Variants in ZNF92 observed in about 807,000 individuals in gnomAD.
The protein encoded by ZNF92 is epididymis luminal protein 203.
ZNF92 carries 11 observed loss-of-function variants against 12.4 expected under a neutral mutation model. The ratio of observed to expected loss-of-function variants is 0.89; its 90% CI spans 0.56 to 1.47. The LOEUF (loss-of-function observed/expected upper bound fraction) is 1.47, where lower values mean the gene tolerates loss of function less well. ZNF92 is among the 40% of genes most tolerant of loss of function. The pLI is 0.00. For synonymous variants in ZNF92, 206 were observed against 228.6 expected (o/e 0.90, Z 0.89); for missense variants, 622 against 681.0 (o/e 0.91, Z 0.96).
rs1255524053 is a variant in ZNF92 at position 65,398,321 on chromosome 7, G to A, written c.227-20G>A. 4 of 1,498,482 alleles carry A rather than the reference G, an allele frequency of 2.7e-6. No homozygotes were observed. The highest frequency in any genetic ancestry group is 3.6e-6 in the Non-Finnish European group (4 of 1,125,154). 92.8% of individuals were successfully genotyped at this position (1,498,482 alleles called of 1,614,324 possible). A position where few individuals can be genotyped will look rare whatever the true frequency, so the allele number is the denominator to read the frequency against. ...CTGAGTCTAGTAAGTGAAGTAACTT[G>A]TTATTTTTATTTTTTTCAGTTATGT... On this transcript the variant is annotated intron_variant, in intron 3 of 3. Transcript: ENST00000328747.
chr7:65,382,847 A>G (rs959312646), intron 1 of ZNF92, among the ~76,000 whole-genome samples: 1 of 152,134 alleles, frequency 6.6e-6, no homozygotes, highest in Non-Finnish European at 1.5e-5. Flanking sequence ...TATCTGAGAA[A>G]TGCAAATCCT....
chr7:65,397,413 T>C (rs1584291372), intron 3 of ZNF92, among the ~76,000 whole-genome samples: 1 of 78,836 alleles, frequency 1.3e-5, no homozygotes, highest in South Asian at 5.4e-4. Flanking sequence ...TATCCTCATT[T>C]ATCTGATTTT....
In ZNF92 at chr7:65,399,273, C is replaced by T. The variant is rs774200428; in HGVS notation, c.1159C>T (p.His387Tyr). The stretch of plus-strand genomic sequence containing the variant: ...TAACCAGTCCTCAACCCTTACTAAA[C>T]ATAAAAGAATTCATACGGGAGAAAA... ...AFNQSSTLTK[H>Y]KRIHTGEKPY... The change falls in exon 4 of 4, where the codon CAT becomes TAT. Residue 387 changes from histidine (H) to tyrosine (Y), a missense_variant. By Grantham distance (83) the His-to-Tyr change is moderately conservative (BLOSUM62 2). Coordinates refer to ENST00000328747, the MANE Select transcript of ZNF92 (RefSeq NM_152626.4). 5.0e-6 allele frequency: 8 copies of T among 1,612,574 alleles called. No homozygotes were observed. Among genetic ancestry groups the T allele is most frequent in the Admixed American group, 1.7e-5 (1 of 59,924 alleles).
intron 1 of ZNF92, among the ~76,000 whole-genome samples, chr7:65,378,234 G>T (rs528705390): frequency 4.0e-5 from 6 of 150,986 alleles, no homozygotes; most frequent in Admixed American, 6.6e-5. Flanking sequence ...GGAGATGGAG[G>T]TTGCAGTGAA....
intron 3 of ZNF92, among the ~76,000 whole-genome samples, chr7:65,390,854 A>G (rs1584285598): frequency 1.3e-5 from 2 of 152,122 alleles, no homozygotes; most frequent in East Asian, 3.9e-4. Context: ...GCCTGCCTGC[A>G]TGGCTATAAA....
At chr7:65,394,839 T>C (rs62469477) in intron 3 of ZNF92, among the ~76,000 whole-genome samples, 37,214 of 151,648 alleles carry the variant, frequency 0.25, 6,130 homozygotes, top group Non-Finnish European at 0.35. Flanking sequence ...AGAGACGGGG[T>C]TTCACCATGT....
At position 65,392,019 on chromosome 7, in the gene ZNF92, A is replaced by G. The variant is rs187386073; in HGVS notation, c.226+3118A>G. Among the ~76,000 whole-genome samples the G allele has an allele frequency of 2.6e-5, 4 of 152,092 alleles. No homozygotes were observed. In the East Asian group the frequency reaches 5.8e-4, roughly 22 times the overall value. On this transcript the variant is annotated intron_variant, in intron 3 of 3. Coordinates refer to ENST00000328747, the MANE Select transcript of ZNF92 (RefSeq NM_152626.4). The stretch of plus-strand genomic sequence containing the variant: ...GTTTTTTGTTTAGTGTAGGTTTCTT[A>G]TCAGTTTTTGTTTCTTGTTTTTACG...
At chr7:65,397,938 G>A (rs1263302261) in intron 3 of ZNF92, among the ~76,000 whole-genome samples, 1 of 152,052 alleles carries the variant, frequency 6.6e-6, no homozygotes, top group East Asian at 1.9e-4. Context: ...TGTCTTGAAA[G>A]GCCCCTAGAG....
In ZNF92 at chr7:65,398,552, G is replaced by A. The variant is rs370527597; in HGVS notation, c.438G>A (p.Gln146=). The change falls in exon 4 of 4, where the codon CAG becomes CAA. Residue 146 remains glutamine, a synonymous_variant. Coordinates refer to ENST00000328747, the MANE Select transcript of ZNF92 (RefSeq NM_152626.4). The part of the protein sequence containing the change: ...CLTTTDSKIF[Q]CDKYVKVFHK... Reference sequence around the variant, plus strand: ...CAACTACTGACAGCAAGATATTTCAGTGTGATAAATATGTGAAAGTCTTTC... The same window carrying A: ...CAACTACTGACAGCAAGATATTTCAATGTGATAAATATGTGAAAGTCTTTC... The A allele has an allele frequency of 6.2e-7, 1 of 1,610,318 alleles. No homozygotes were observed. The highest frequency in any genetic ancestry group is 8.5e-7 in the Non-Finnish European group (1 of 1,178,714).
chr7:65,385,543 C>T (rs1246600684), intron 1 of ZNF92, among the ~76,000 whole-genome samples: 1 of 152,082 alleles, frequency 6.6e-6, no homozygotes, highest in East Asian at 1.9e-4. Flanking sequence ...GGGCAGAGTG[C>T]CCCATATTTC....
chr7:65,399,574 G>T lies in ZNF92; in HGVS notation c.1460G>T (p.Gly487Val). 1 of 1,613,666 alleles carries T rather than the reference G, an allele frequency of 6.2e-7. No individual in the cohort carries two copies. The highest frequency in any genetic ancestry group is 8.5e-7 in the Non-Finnish European group (1 of 1,179,794). Residue 487 changes from glycine (G) to valine (V), a missense_variant, in exon 4 of 4, where the codon GGC (glycine) becomes GTC (valine). By Grantham distance (109) the Gly-to-Val change is moderately radical. Coordinates refer to ENST00000328747, the MANE Select transcript of ZNF92 (RefSeq NM_152626.4). ...AAACCCTACAAATGTGAAGAATGTG[G>T]CAAAGCCTTTAACCAGTCCTCAATT... is the stretch of plus-strand genomic sequence containing the variant. Reference protein sequence around the residue: ...REKPYKCEECGKAFNQSSIFT... With the variant: ...REKPYKCEECVKAFNQSSIFT...
rs987593000 is a variant in ZNF92, at chr7:65,373,893, C to T, written c.-105C>T. On this transcript the variant is annotated 5_prime_UTR_variant, in exon 1 of 4. Transcript: ENST00000328747. ...GCCGGCGCTCCACGTCTAGTCTTCA[C>T]TGCTCTGCGTCCTGTGCTGATAAAG... 5.2e-6 allele frequency: 8 copies of T among 1,524,752 alleles called. No homozygotes were observed. Among genetic ancestry groups the T allele is most frequent in the East Asian group, 2.3e-5 (1 of 44,372 alleles). 94.5% of individuals were successfully genotyped at this position (1,524,752 alleles called of 1,614,324 possible).
At chr7:65,374,713 A>T (rs1793193056) in intron 1 of ZNF92, among the ~76,000 whole-genome samples, 5 of 151,014 alleles carry the variant, frequency 3.3e-5, no homozygotes, top group Admixed American at 2.6e-4. Flanking sequence ...CCAAAAATGC[A>T]TTTGAATTAT....
intron 3 of ZNF92, among the ~76,000 whole-genome samples, chr7:65,397,192 A>G (rs534664897): frequency 6.6e-6 from 1 of 152,176 alleles, no homozygotes; most frequent in East Asian, 1.9e-4. Context: ...AAGAGTATGC[A>G]CATAAATGAT....
intron 1 of ZNF92, among the ~76,000 whole-genome samples, chr7:65,377,207 A>G (rs1484145557): frequency 6.6e-6 from 1 of 152,108 alleles, no homozygotes; most frequent in African/African-American, 2.4e-5. Flanking sequence ...CTTAGTTTCA[A>G]AAACCAAGAG....
chr7:65,375,081 C>A (rs937302390), intron 1 of ZNF92, among the ~76,000 whole-genome samples: 12 of 152,080 alleles, frequency 7.9e-5, no homozygotes, highest in Non-Finnish European at 1.0e-4. Context: ...GTAAATATTT[C>A]CTATGAGAAG....
chr7:65,389,671 C>T (rs1793660894), intron 3 of ZNF92, among the ~76,000 whole-genome samples: 1 of 151,888 alleles, frequency 6.6e-6, no homozygotes, highest in African/African-American at 2.4e-5. Context: ...CATGCACCAC[C>T]ACGTCCAGCT....
At chr7:65,377,687 CT>C (rs1226225528) in intron 1 of ZNF92, among the ~76,000 whole-genome samples, 1 of 151,992 alleles carries the variant, frequency 6.6e-6, no homozygotes, top group Non-Finnish European at 1.5e-5. Flanking sequence ...CTGCCTCAGC[CT>C]CCTGAGTAGC....
chr7:65,382,668 T>C (rs919550156), intron 1 of ZNF92, among the ~76,000 whole-genome samples: 4 of 152,000 alleles, frequency 2.6e-5, no homozygotes, highest in Non-Finnish European at 4.4e-5. Context: ...CCCGTTAGAG[T>C]AACATGCATG....
Sources: allele counts gnomAD v4.1 joint callset (sites outside exome capture counted in the v4.1 genomes callset), GRCh38; gene constraint gnomAD v4.1.1; transcripts MANE v1.5; gene names NCBI Gene and HGNC (gene_info 2026-07-23, HGNC 2026-07-21).